Variants in ZSWIM5 observed in about 807,000 individuals in gnomAD.
ZSWIM5 encodes zinc finger SWIM-type containing 5.
Under a neutral mutation model 119.6 loss-of-function variants are expected in ZSWIM5, and 55 were observed. The ratio of observed to expected loss-of-function variants is 0.46; its 90% CI spans 0.37 to 0.58. ZSWIM5 has a LOEUF of 0.58. ZSWIM5 is among the 20% of genes least tolerant of loss of function. ZSWIM5 has a pLI of 0.00. For missense variants in ZSWIM5, 1,193 were observed against 1,512.8 expected (o/e 0.79, Z 3.51); for synonymous variants, 537 against 606.9 (o/e 0.88, Z 1.69).
intron 1 of ZSWIM5, among the ~76,000 whole-genome samples, chr1:45,097,463 A>G (rs562647714): frequency 6.6e-6 from 1 of 152,338 alleles, no homozygotes; most frequent in South Asian, 2.1e-4. Flanking sequence ...CTTATATTCT[A>G]GTTTATATGA....
chr1:45,036,024 C>T lies in ZSWIM5; in HGVS notation c.2155+15G>A. ...GGGCCAAAGACACCGTGACAAGAGA[C>T]TCTTTTCTACTTACCTTCCAGCAGT... On this transcript the variant is annotated intron_variant, in intron 9 of 13. Transcript: ENST00000359600. 6.2e-7 allele frequency: 1 copy of T among 1,610,212 alleles called. No individual in the cohort carries two copies. Among genetic ancestry groups the T allele is most frequent in the Non-Finnish European group, 8.5e-7 (1 of 1,177,296 alleles).
rs182200465 is a variant in ZSWIM5, at chr1:45,165,737, A to G, written c.595+40019T>C. ...TCTAGAAAAAATGGATAAATTCCTG[A>G]ACACATACACCCTCCCAAGACTAAA... On this transcript the variant is annotated intron_variant, in intron 1 of 13. Transcript: ENST00000359600. 6.4e-4 allele frequency among the ~76,000 whole-genome samples: 98 copies of G among 151,982 alleles called. No individual in the cohort carries two copies. The East Asian group carries it at 0.016, about 24-fold the overall frequency.
intron 1 of ZSWIM5, among the ~76,000 whole-genome samples, chr1:45,092,443 C>G (rs1359253337): frequency 6.6e-6 from 1 of 151,464 alleles, no homozygotes; most frequent in Non-Finnish European, 1.5e-5. Context: ...ATTACAGGTG[C>G]CTGCCAACAC....
At chr1:45,135,117 A>G (rs564768363) in intron 1 of ZSWIM5, among the ~76,000 whole-genome samples, 1 of 72,086 alleles carries the variant, frequency 1.4e-5, no homozygotes, top group African/African-American at 5.1e-5. Flanking sequence ...ATCATACGGT[A>G]ATTCTGTTTT....
chr1:45,132,798 T>C (rs553033360), intron 1 of ZSWIM5, among the ~76,000 whole-genome samples: 1 of 152,206 alleles, frequency 6.6e-6, no homozygotes, highest in Admixed American at 6.5e-5. Context: ...GTGTGTGATG[T>C]TCCCCTTCCT....
chr1:45,034,659 C>T (rs1046755386), intron 10 of ZSWIM5, among the ~76,000 whole-genome samples, 190 bp from the exon 11 acceptor site: 4 of 152,168 alleles, frequency 2.6e-5, no homozygotes, highest in African/African-American at 9.7e-5. Flanking sequence ...GAGTACTCAA[C>T]GCTGAATAGT....
intron 1 of ZSWIM5, among the ~76,000 whole-genome samples, chr1:45,137,272 C>T (rs549827900): frequency 6.6e-6 from 1 of 152,202 alleles, no homozygotes; most frequent in South Asian, 2.1e-4. Context: ...TAGTTTTGAA[C>T]TCCTGGCTTC....
intron 1 of ZSWIM5, among the ~76,000 whole-genome samples, chr1:45,172,922 C>T (rs1645955137): frequency 6.6e-6 from 1 of 152,088 alleles, no homozygotes; most frequent in South Asian, 2.1e-4. Context: ...CCAATGCTTT[C>T]GGAAGCCAAG....
chr1:45,140,069 AG>A (rs1190421155), intron 1 of ZSWIM5, among the ~76,000 whole-genome samples: 1 of 152,234 alleles, frequency 6.6e-6, no homozygotes, highest in African/African-American at 2.4e-5. Flanking sequence ...TGAAAACATT[AG>A]CACAAAGGCT....
intron 1 of ZSWIM5, among the ~76,000 whole-genome samples, chr1:45,194,252 T>A (rs1179806633): frequency 6.6e-6 from 1 of 152,106 alleles, no homozygotes; most frequent in Non-Finnish European, 1.5e-5. Context: ...AATGTAATTA[T>A]CTCCAAGGCT....
intron 1 of ZSWIM5, among the ~76,000 whole-genome samples, chr1:45,105,904 C>T (rs1037906166): frequency 1.4e-5 from 2 of 144,540 alleles, no homozygotes; most frequent in African/African-American, 5.2e-5. Context: ...CCCGGCCGCC[C>T]CGTCTGGGAG....
intron 1 of ZSWIM5, among the ~76,000 whole-genome samples, chr1:45,103,094 C>G (rs1157405915): frequency 6.6e-6 from 1 of 152,116 alleles, no homozygotes; most frequent in Non-Finnish European, 1.5e-5. Context: ...TCTCAAACTC[C>G]TGGTCTCAAC....
At chr1:45,158,159 TA>T (rs1167675240) in intron 1 of ZSWIM5, among the ~76,000 whole-genome samples, 3 of 152,294 alleles carry the variant, frequency 2.0e-5, no homozygotes, top group African/African-American at 4.8e-5. Context: ...ACTATACATA[TA>T]TTTTTTTAAT....
Position 45,018,239 on chromosome 1 carries a change from A to G in ZSWIM5, c.*215T>C. The G allele has an allele frequency of 1.6e-6, 1 of 619,676 alleles. No homozygotes were observed. The highest frequency in any genetic ancestry group is 3.0e-5 in the Admixed American group (1 of 33,240). 38.4% of individuals were successfully genotyped at this position (619,676 alleles called of 1,614,324 possible). On this transcript the variant is annotated 3_prime_UTR_variant, in exon 14 of 14. Transcript: ENST00000359600. This position sits in a 1 kb window ranked among gnomAD's most constrained non-coding sequence, Gnocchi z 6.7. Reference sequence around the variant, plus strand: ...GGTTTCTGGTCGATCTGCAGGGCCCAGCTCCTCCATGAACAGTAGGCTGTA... The same window carrying G: ...GGTTTCTGGTCGATCTGCAGGGCCCGGCTCCTCCATGAACAGTAGGCTGTA...
intron 1 of ZSWIM5, among the ~76,000 whole-genome samples, chr1:45,172,547 T>A (rs1319154999): frequency 1.3e-5 from 2 of 152,146 alleles, no homozygotes; most frequent in Admixed American, 6.6e-5. Context: ...TTGTAATTGG[T>A]AGTTCTGCAG....
chr1:45,119,219 C>T (rs964317446), intron 1 of ZSWIM5, among the ~76,000 whole-genome samples: 7 of 152,056 alleles, frequency 4.6e-5, no homozygotes, highest in Admixed American at 4.6e-4. Context: ...TCCACCCATT[C>T]TTTTCCCCAA....
intron 2 of ZSWIM5, among the ~76,000 whole-genome samples, chr1:45,063,947 A>T (rs920387995): frequency 6.6e-6 from 1 of 151,386 alleles, no homozygotes; most frequent in Non-Finnish European, 1.5e-5. Context: ...GCGCCACTGC[A>T]CTCCAGCTTG....
chr1:45,140,992 C>T (rs970024885), intron 1 of ZSWIM5, among the ~76,000 whole-genome samples: 4 of 151,964 alleles, frequency 2.6e-5, no homozygotes, highest in African/African-American at 9.7e-5. Flanking sequence ...GAGAAAGATC[C>T]AGGAAAAGCC....
chr1:45,159,939 C>T (rs2149040970), intron 1 of ZSWIM5, among the ~76,000 whole-genome samples: 2 of 152,258 alleles, frequency 1.3e-5, no homozygotes, highest in East Asian at 3.9e-4. Context: ...ATATACTTTG[C>T]AAACTTCAGA....
Sources: allele counts gnomAD v4.1 joint callset (sites outside exome capture counted in the v4.1 genomes callset), GRCh38; gene constraint gnomAD v4.1.1; non-coding constraint Gnocchi (gnomAD v3.1); transcripts MANE v1.5; gene names NCBI Gene and HGNC (gene_info 2026-07-23, HGNC 2026-07-21).